The following GALNT16 variants were observed in gnomAD, a reference collection of about 807,000 sequenced individuals.
GALNT16 encodes the protein UDP-GalNAc:polypeptide N-acetylgalactosaminyltransferase-like protein 1.
A neutral mutation model predicts 76.1 loss-of-function variants in GALNT16; 40 were observed. That is an observed-to-expected ratio of 0.53 (90% CI 0.41 to 0.68). GALNT16 has a LOEUF of 0.68. Among genes scored for constraint, GALNT16 ranks in the 30% least tolerant of loss-of-function variants. The probability of loss-of-function intolerance (pLI) is 0.00; values close to 1 mark genes in which losing one functional copy is unlikely to be tolerated. For synonymous variants in GALNT16, 276 were observed against 285.2 expected, an observed-to-expected ratio of 0.97 and a Z score of 0.32; for missense variants, 621 against 731.9, an observed-to-expected ratio of 0.85 and a Z score of 1.75.
chr14:69,325,005 A>G (rs969942159), intron 3 of GALNT16, among the ~76,000 whole-genome samples: 23 of 152,220 alleles, frequency 1.5e-4, no homozygotes, highest in African/African-American at 5.1e-4. Context: ...GATGTCCAGG[A>G]CAAGGGCAGA....
rs1166680500 is a variant in GALNT16 at position 69,260,416 on chromosome 14, G to A, written c.126G>A (p.Arg42=). The A allele has an allele frequency of 6.3e-7, 1 of 1,599,096 alleles. No individual in the cohort carries two copies. The change falls in exon 1 of 15, where the codon AGG becomes AGA. Residue 42 remains arginine (R), a synonymous_variant. Transcript: ENST00000448469. ...AASSGGRGAQ[R]AGRRSEQLRE... The stretch of plus-strand genomic sequence containing the variant: ...CCTCCGGCGGCCGGGGCGCGCAGAG[G>A]GCAGGCAGGAGGTCGGAGCAGCTCC...
intron 1 of GALNT16, among the ~76,000 whole-genome samples, chr14:69,305,968 A>G (rs998740495): frequency 2.0e-5 from 3 of 152,148 alleles, no homozygotes; most frequent in Non-Finnish European, 2.9e-5. Flanking sequence ...GCCCAGTTCC[A>G]TTCTTTTGCA....
the GALNT16 span, among the ~76,000 whole-genome samples, chr14:69,371,208 C>T: frequency 6.6e-6 from 1 of 152,094 alleles, no homozygotes; most frequent in African/African-American, 2.4e-5. Context: ...TTCACGGTAA[C>T]ATGAATGTTT....
the GALNT16 span, among the ~76,000 whole-genome samples, chr14:69,375,686 T>G: frequency 6.6e-6 from 1 of 152,230 alleles, no homozygotes; most frequent in Non-Finnish European, 1.5e-5. Flanking sequence ...CTGTTACCCA[T>G]GCTGGAGTGC....
chr14:69,333,378 G>C lies in GALNT16; in HGVS notation c.864-119G>C. On this transcript the variant is annotated intron_variant, in intron 8 of 14. Transcript: ENST00000448469. The surrounding 1 kb of genome is among the most constrained non-coding windows in gnomAD (Gnocchi z 4.2). ...GGCCAGGGAGCTGGCCAGACATCCT[G>C]CCCCAGTGACTCTGCAGGGAGGGAT... 1.4e-6 allele frequency: 1 copy of C among 730,898 alleles called. No homozygotes were observed. Among genetic ancestry groups the C allele is most frequent in the Middle Eastern group, 3.7e-4 (1 of 2,734 alleles). The allele number at this position is 730,898 out of a possible 1,614,324, so 45.3% of individuals were successfully genotyped here. A position where few individuals can be genotyped will look rare whatever the true frequency, so the allele number is the denominator to read the frequency against.
In GALNT16 at chr14:69,333,288, T is replaced by A. The variant is rs1032454473; in HGVS notation, c.863+119T>A. ...TGAGGCGCACTAAGTGCTGACTCTGTTCTGGGCCTTCGGACCCTGTATGCA... is the reference window on the plus strand; with the variant it reads ...TGAGGCGCACTAAGTGCTGACTCTGATCTGGGCCTTCGGACCCTGTATGCA... On this transcript the variant is annotated intron_variant, in intron 8 of 14. Coordinates refer to ENST00000448469, the MANE Select transcript of GALNT16 (RefSeq NM_001168368.2). This position sits in a 1 kb window ranked among gnomAD's most constrained non-coding sequence, Gnocchi z 4.2. The A allele has an allele frequency of 2.7e-6, 2 of 738,470 alleles. No homozygotes were observed. The highest frequency in any genetic ancestry group is 4.6e-6 in the Non-Finnish European group (2 of 436,608). 45.7% of individuals were successfully genotyped at this position (738,470 alleles called of 1,614,324 possible).
rs144224044 is a variant in GALNT16, at chr14:69,326,757, C to T, written c.568+730C>T. Among the ~76,000 whole-genome samples, 7 of 152,318 alleles carry T rather than the reference C, an allele frequency of 4.6e-5. No individual in the cohort carries two copies. In the East Asian group the frequency reaches 9.6e-4, roughly 21 times the overall value. On this transcript the variant is annotated intron_variant, in intron 5 of 14. Coordinates refer to ENST00000448469, the MANE Select transcript of GALNT16 (RefSeq NM_001168368.2). Reference sequence around the variant, plus strand: ...TGAGGTCTCCTCCCCTGCGGGCATCCGGTTTGCTACTTTCAGTCCTTGTAC... The same window carrying T: ...TGAGGTCTCCTCCCCTGCGGGCATCTGGTTTGCTACTTTCAGTCCTTGTAC...
chr14:69,357,661 A>G (rs12893687), downstream of GALNT16: 19,406 of 152,232 alleles, frequency 0.13, 1,369 homozygotes, highest in East Asian at 0.18. Flanking sequence ...CCTGGCTCTC[A>G]GGTTGCTTCT....
At chr14:69,320,305 GC>G (rs2045158863) in intron 1 of GALNT16, among the ~76,000 whole-genome samples, 1 of 152,134 alleles carries the variant, frequency 6.6e-6, no homozygotes, top group East Asian at 1.9e-4. Flanking sequence ...GGCCAGCCTA[GC>G]CAACACCACG....
chr14:69,292,692 C>A (rs1428666665), intron 1 of GALNT16, among the ~76,000 whole-genome samples: 2 of 152,336 alleles, frequency 1.3e-5, no homozygotes, highest in East Asian at 1.9e-4. Context: ...CTTTCTTATA[C>A]CAAAGTCACA....
chr14:69,361,144 G>A (rs149774617), downstream of GALNT16, among the ~76,000 whole-genome samples: 2 of 152,324 alleles, frequency 1.3e-5, no homozygotes, highest in East Asian at 3.9e-4. Context: ...TATTAATCAA[G>A]GAATCAGTGC....
intron 1 of GALNT16, among the ~76,000 whole-genome samples, chr14:69,303,393 C>T (rs1332662756): frequency 6.6e-6 from 1 of 152,138 alleles, no homozygotes; most frequent in African/African-American, 2.4e-5. Context: ...GTAGAGATGG[C>T]AGAGACTTCA....
At chr14:69,342,553 T>G (rs2045508205) in intron 12 of GALNT16, among the ~76,000 whole-genome samples, 1 of 144,318 alleles carries the variant, frequency 6.9e-6, no homozygotes, top group Admixed American at 7.0e-5. Context: ...AAGGAGAGAA[T>G]CAACAATAGG....
rs1283261517 is a variant in GALNT16 at position 69,310,588 on chromosome 14, G to A, written c.178-10123G>A. 2.6e-5 allele frequency among the ~76,000 whole-genome samples: 4 copies of A among 152,118 alleles called. No homozygotes were observed. In the East Asian group the frequency reaches 7.7e-4, roughly 29 times the overall value. On this transcript the variant is annotated intron_variant, in intron 1 of 14. Transcript: ENST00000448469. The stretch of plus-strand genomic sequence containing the variant: ...AAACTGTGTTGTTTTTACTAACAAT[G>A]TATGGTTCAGTGTACTGTGCAAAAC...
At chr14:69,266,998 T>G (rs1473857680) in intron 1 of GALNT16, among the ~76,000 whole-genome samples, 1 of 152,236 alleles carries the variant, frequency 6.6e-6, no homozygotes, top group Non-Finnish European at 1.5e-5. Context: ...GCATAGGTGT[T>G]TCTGCCTGGT....
chr14:69,347,870 C>A lies in GALNT16; in HGVS notation c.1414-7C>A. 3.7e-6 allele frequency: 6 copies of A among 1,613,060 alleles called. No individual in the cohort carries two copies. The highest frequency in any genetic ancestry group is 5.1e-6 in the Non-Finnish European group (6 of 1,179,994). The stretch of plus-strand genomic sequence containing the variant: ...TTGACTTGGCCTTTCTGCTCCCTGC[C>A]TTGCAGGCATGGCTGTTCAGTGACC... On this transcript the variant is annotated splice_region_variant and splice_polypyrimidine_tract_variant and intron_variant, in intron 13 of 14. Coordinates refer to ENST00000448469, the MANE Select transcript of GALNT16 (RefSeq NM_001168368.2).
chr14:69,384,536 G>C, the GALNT16 span, among the ~76,000 whole-genome samples: 3 of 152,180 alleles, frequency 2.0e-5, no homozygotes. Flanking sequence ...CTTACTGGGA[G>C]TAAGTATGAC....
the GALNT16 span, among the ~76,000 whole-genome samples, chr14:69,371,459 T>C: frequency 1.3e-5 from 2 of 151,210 alleles, no homozygotes; most frequent in Admixed American, 6.6e-5. Context: ...GGTTTCACCA[T>C]GTCAGCCAGG....
intron 1 of GALNT16, among the ~76,000 whole-genome samples, chr14:69,301,085 A>G (rs1023495605): frequency 6.3e-5 from 9 of 142,416 alleles, no homozygotes; most frequent in Non-Finnish European, 1.4e-4. Context: ...TTGGCCCAAA[A>G]GGAACTTGGG....
Sources: gnomAD v4.1 joint callset for allele counts (sites outside exome capture counted in the v4.1 genomes callset) on GRCh38, gnomAD v4.1.1 for gene constraint, Gnocchi (gnomAD v3.1) non-coding constraint, MANE v1.5 for transcripts, NCBI Gene and HGNC (gene_info 2026-07-23, HGNC 2026-07-21) for gene names.